The following ZBTB25 variants were observed in gnomAD, a reference collection of about 807,000 sequenced individuals.
ZBTB25 encodes zinc finger and BTB domain-containing protein 25.
Under a neutral mutation model 34.2 loss-of-function variants are expected in ZBTB25, and 20 were observed. That is an observed-to-expected ratio of 0.58 (90% CI 0.41 to 0.85). The LOEUF (loss-of-function observed/expected upper bound fraction) is 0.85. Among genes scored for constraint, ZBTB25 ranks in the 40% least tolerant of loss-of-function variants. ZBTB25 has a pLI of 0.00. For synonymous variants in ZBTB25, 175 were observed against 186.4 expected, an observed-to-expected ratio of 0.94 and a Z score of 0.50; for missense variants, 437 against 521.8, an observed-to-expected ratio of 0.84 and a Z score of 1.58.
Position 64,484,926 on chromosome 14 carries a change from G to T in ZBTB25, c.*1997C>A. Reference sequence around the variant, plus strand: ...AGTGAATTGGTAGAAAAAAGTTTAAGATTAGACAAAGTTCTGACCCCAAAG... The same window carrying T: ...AGTGAATTGGTAGAAAAAAGTTTAATATTAGACAAAGTTCTGACCCCAAAG... On this transcript the variant is annotated 3_prime_UTR_variant, in exon 3 of 3. Coordinates refer to ENST00000608382, the MANE Select transcript of ZBTB25 (RefSeq NM_006977.5). 1.1e-6 allele frequency: 1 copy of T among 903,770 alleles called. No homozygotes were observed. Among genetic ancestry groups the T allele is most frequent in the Non-Finnish European group, 1.3e-6 (1 of 755,778 alleles). The allele number at this position is 903,770 out of a possible 1,614,324, so 56.0% of individuals were successfully genotyped here.
intron 1 of ZBTB25, among the ~76,000 whole-genome samples, chr14:64,502,272 CCTTT>C (rs1374285477): frequency 6.6e-6 from 1 of 152,294 alleles, no homozygotes; most frequent in Non-Finnish European, 1.5e-5. Context: ...TACGTGGGTT[CCTTT>C]CTGTTTTCTT....
At chr14:64,504,752 C>T (rs1481020097), upstream of ZBTB25, 5 of 373,740 alleles carry the variant, frequency 1.3e-5, no homozygotes, top group Non-Finnish European at 2.4e-5. Flanking sequence ...CGCGGCTGTG[C>T]GGCAGCGGAA....
At chr14:64,492,535 A>G (rs1169480381) in intron 1 of ZBTB25, among the ~76,000 whole-genome samples, 1 of 152,058 alleles carries the variant, frequency 6.6e-6, no homozygotes. Context: ...GCATGTGAAA[A>G]ACGTGTCTTA....
chr14:64,503,297 T>C, intron 1 of ZBTB25: 1 of 984,890 alleles, frequency 1.0e-6, no homozygotes, highest in African/African-American at 1.8e-5. Context: ...GTAAGAGGGG[T>C]CGGCGCTACC....
chr14:64,505,112 C>T (rs1243794923), upstream of ZBTB25: 2 of 348,670 alleles, frequency 5.7e-6, no homozygotes, highest in Non-Finnish European at 1.0e-5. Flanking sequence ...GGCTGCCAGG[C>T]CGCCTGCTTG....
At chr14:64,459,974 G>A (rs2078535608) in intron 2 of ZBTB25, 25 of 1,481,192 alleles carry the variant, frequency 1.7e-5, no homozygotes, top group African/African-American at 2.8e-5. Context: ...CTTTAGTGAC[G>A]TTCCACAGAA....
At chr14:64,498,135 T>C (rs1260655402) in intron 1 of ZBTB25, among the ~76,000 whole-genome samples, 2 of 152,140 alleles carry the variant, frequency 1.3e-5, no homozygotes, top group African/African-American at 2.4e-5. Flanking sequence ...AGGTGTGACA[T>C]TTAATTATGT....
intron 1 of ZBTB25, among the ~76,000 whole-genome samples, chr14:64,501,989 C>G (rs1274283802): frequency 6.6e-6 from 1 of 152,212 alleles, no homozygotes; most frequent in Non-Finnish European, 1.5e-5. Flanking sequence ...ACTGATTGGA[C>G]TTGAGAGATA....
intron 1 of ZBTB25, among the ~76,000 whole-genome samples, chr14:64,496,032 T>C (rs926494079): frequency 4.6e-5 from 7 of 152,062 alleles, no homozygotes; most frequent in African/African-American, 1.2e-4. Context: ...TATTCAACCA[T>C]TACCCCCTCC....
rs141580387 is a variant in ZBTB25 at position 64,456,287 on chromosome 14, C to T, written c.174-6649G>A. On this transcript the variant is annotated intron_variant, in intron 2 of 2. Coordinates refer to the ZBTB25 transcript ENST00000555220. Reference sequence around the variant, plus strand: ...TAAGTTGGACCAAGGCGTTTCCACACATGATCAAATGGTTTAATCACTATT... The same window carrying T: ...TAAGTTGGACCAAGGCGTTTCCACATATGATCAAATGGTTTAATCACTATT... Among the ~76,000 whole-genome samples, 7 of 152,318 alleles carry T rather than the reference C, an allele frequency of 4.6e-5. 1 individual carries two copies. In the East Asian group the frequency reaches 1.3e-3, roughly 29 times the overall value.
At chr14:64,490,333 A>T (rs1033444718) in intron 2 of ZBTB25, 28 bp downstream of exon 2, 5 of 1,499,202 alleles carry the variant, frequency 3.3e-6, no homozygotes, top group Non-Finnish European at 4.5e-6. Context: ...AATATTAAAA[A>T]TTCTTATTTA....
intron 1 of ZBTB25, among the ~76,000 whole-genome samples, chr14:64,498,121 G>GT (rs2079341701): frequency 6.6e-6 from 1 of 152,176 alleles, no homozygotes; most frequent in Non-Finnish European, 1.5e-5. Flanking sequence ...TCACATGACT[G>GT]TAGAGGTGTG....
chr14:64,503,605 G>C (rs1263392819), intron 1 of ZBTB25, 56 bp downstream of exon 1: 2 of 985,662 alleles, frequency 2.0e-6, no homozygotes, highest in Non-Finnish European at 2.4e-6. Flanking sequence ...TGGGTGGCTC[G>C]CGGCAGGAGG....
Position 64,484,240 on chromosome 14 carries a change from G to C in ZBTB25, c.*2683C>G, listed in dbSNP as rs10134530. The C allele has an allele frequency of 0.24, 36,700 of 152,122 alleles. 5,159 individuals are homozygous for C. Among genetic ancestry groups the C allele is most frequent in the East Asian group, 0.41 (2,143 of 5,174 alleles). 9.4% of individuals were successfully genotyped at this position (152,122 alleles called of 1,614,324 possible). On this transcript the variant is annotated 3_prime_UTR_variant, in exon 3 of 3. Coordinates refer to ENST00000608382, the MANE Select transcript of ZBTB25 (RefSeq NM_006977.5). ...GAACAGATATATTTCTGCTTTAAAT[G>C]AGTGTTGTCTATCACGGCCAATCAG...
Position 64,484,865 on chromosome 14 carries a change from AT to A in ZBTB25, c.*2057del. The stretch of plus-strand genomic sequence containing the variant: ...ACTTGTGTTCTTCCAATGAGATGAT[AT>A]TTTTGAGGGCAGTACAAATTTCAAT... On this transcript the variant is annotated 3_prime_UTR_variant, in exon 3 of 3. Transcript: ENST00000608382. 3.5e-6 allele frequency: 1 copy of A among 286,172 alleles called. No individual in the cohort carries two copies. Among genetic ancestry groups the A allele is most frequent in the Non-Finnish European group, 5.2e-6 (1 of 190,644 alleles). 17.7% of individuals were successfully genotyped at this position (286,172 alleles called of 1,614,324 possible). A position where few individuals can be genotyped will look rare whatever the true frequency, so the allele number is the denominator to read the frequency against.
intron 1 of ZBTB25, among the ~76,000 whole-genome samples, chr14:64,500,884 C>G (rs1240036235): frequency 6.6e-6 from 1 of 152,212 alleles, no homozygotes; most frequent in Non-Finnish European, 1.5e-5. Context: ...AACCCTGTCT[C>G]TACTAAAAAT....
In ZBTB25 at chr14:64,488,075, A is replaced by C; in HGVS notation, c.174-18T>G. On this transcript the variant is annotated intron_variant, in intron 2 of 2. Transcript: ENST00000608382. ...TGCATTCACTGTTAAAAACAAAAAC[A>C]GACCCACAAGAAATGAAACACAACC... 1 of 1,602,054 alleles carries C rather than the reference A, an allele frequency of 6.2e-7. No homozygotes were observed. The highest frequency in any genetic ancestry group is 8.5e-7 in the Non-Finnish European group (1 of 1,173,026).
intron 2 of ZBTB25, among the ~76,000 whole-genome samples, chr14:64,466,061 C>T (rs1241467184): frequency 6.6e-6 from 1 of 152,142 alleles, no homozygotes; most frequent in African/African-American, 2.4e-5. Context: ...CAGGAGGAAG[C>T]TTCGTGGTCC....
At chr14:64,453,908 C>A in intron 2 of ZBTB25, 1 of 1,207,650 alleles carries the variant, frequency 8.3e-7, no homozygotes, top group Non-Finnish European at 1.2e-6. Context: ...CAAAGCAGGA[C>A]TTGGAGTCAC....
Sources: allele counts gnomAD v4.1 joint callset (sites outside exome capture counted in the v4.1 genomes callset), GRCh38; gene constraint gnomAD v4.1.1; transcripts MANE v1.5; gene names NCBI Gene and HGNC (gene_info 2026-07-23, HGNC 2026-07-21).